Variants in GRM4 observed in about 807,000 individuals in gnomAD.
GRM4 encodes metabotropic glutamate receptor 4.
Under a neutral mutation model 81.7 loss-of-function variants are expected in GRM4, and 28 were observed. The observed-to-expected ratio is 0.34, with a 90% CI of 0.25 to 0.47. The LOEUF is 0.47. Among genes scored for constraint, GRM4 ranks in the 20% least tolerant of loss-of-function variants. The pLI, the probability that GRM4 is intolerant of heterozygous loss-of-function variation, is 1.00. For synonymous variants in GRM4, 488 were observed against 528.8 expected (o/e 0.92, Z 1.06); for missense variants, 948 against 1,290.0 (o/e 0.73, Z 4.06).
At chr6:34,108,768 T>C (rs951914328) in intron 2 of GRM4, among the ~76,000 whole-genome samples, 2 of 152,086 alleles carry the variant, frequency 1.3e-5, no homozygotes, top group African/African-American at 4.8e-5. Flanking sequence ...CCCCGCCCTG[T>C]ATTGAGGATC....
intron 6 of GRM4, among the ~76,000 whole-genome samples, chr6:34,045,882 G>A (rs1018513650): frequency 1.6e-4 from 25 of 152,178 alleles, no homozygotes; most frequent in Admixed American, 1.4e-3. Flanking sequence ...ATTGTGTCCC[G>A]GGGCACAGTG....
chr6:34,040,095 G>T, intron 8 of GRM4, 83 bp downstream of exon 8: 1 of 1,374,806 alleles, frequency 7.3e-7, no homozygotes, highest in Non-Finnish European at 1.0e-6. Context: ...GGGCTAATCA[G>T]CAGCAGCCTC....
Position 34,069,139 on chromosome 6 carries a change from AAG to A in GRM4, c.737-7113_737-7112del. Among the ~76,000 whole-genome samples the A allele has an allele frequency of 6.7e-6, 1 of 149,612 alleles. No homozygotes were observed. The highest frequency in any genetic ancestry group is 1.5e-5 in the Non-Finnish European group (1 of 67,612). ...GGACAGAGGGGAGGACAGGGGCTGG[AAG>A]CTACCCCTGGACCCTCATGGGCGTA... is the stretch of plus-strand genomic sequence containing the variant. On this transcript the variant is annotated intron_variant, in intron 3 of 10. Coordinates refer to ENST00000538487, the MANE Select transcript of GRM4 (RefSeq NM_000841.4). The surrounding 1 kb of genome is among the most constrained non-coding windows in gnomAD (Gnocchi z 6.4).
chr6:34,022,763 C>G lies in GRM4; in HGVS notation c.*58G>C. 2 of 1,486,554 alleles carry G rather than the reference C, an allele frequency of 1.3e-6. No individual in the cohort carries two copies. The highest frequency in any genetic ancestry group is 1.9e-6 in the Non-Finnish European group (2 of 1,064,370). 92.1% of individuals were successfully genotyped at this position (1,486,554 alleles called of 1,614,324 possible). ...TGGGCCCTTGGGTGTGGCCCTGGCC[C>G]GACGCACCTTCCACAGGGTCACGGC... On this transcript the variant is annotated 3_prime_UTR_variant, in exon 11 of 11. Coordinates refer to ENST00000538487, the MANE Select transcript of GRM4 (RefSeq NM_000841.4). This position sits in a 1 kb window ranked among gnomAD's most constrained non-coding sequence, Gnocchi z 5.6.
chr6:34,115,909 A>G lies in GRM4; in HGVS notation c.519+17069T>C, dbSNP rs1158083681. ...CAATGGAAAGGGACTTTGAAAAGGT[A>G]AAAATGAGGTACCGATGTTGGCCGC... On this transcript the variant is annotated intron_variant, in intron 2 of 10. Transcript: ENST00000538487. The surrounding 1 kb of genome is among the most constrained non-coding windows in gnomAD (Gnocchi z 4.1). 6.6e-6 allele frequency among the ~76,000 whole-genome samples: 1 copy of G among 152,236 alleles called. No homozygotes were observed. The highest frequency in any genetic ancestry group is 1.5e-5 in the Non-Finnish European group (1 of 68,034).
chr6:34,155,043 C>G lies in GRM4; in HGVS notation c.312+36G>C, dbSNP rs549920311. The stretch of plus-strand genomic sequence containing the variant: ...GCTGGGCACCTCCCCGTCCCACGCC[C>G]GGGGACACGCCCGGATTGAGAGGCT... On this transcript the variant is annotated intron_variant, in intron 1 of 8. Coordinates refer to the GRM4 transcript ENST00000374177. The G allele has an allele frequency of 4.4e-4, 643 of 1,456,696 alleles. No homozygotes were observed. In the African/African-American group the frequency reaches 7.9e-3, roughly 18 times the overall value. 90.2% of individuals were successfully genotyped at this position (1,456,696 alleles called of 1,614,324 possible).
At chr6:34,154,189 G>A (rs1235189622) in intron 1 of GRM4, among the ~76,000 whole-genome samples, 1 of 152,236 alleles carries the variant, frequency 6.6e-6, no homozygotes, top group African/African-American at 2.4e-5. Context: ...TTGGTAAGGA[G>A]AGGAAGATAA....
chr6:34,044,143 C>T (rs930081327), intron 6 of GRM4, among the ~76,000 whole-genome samples: 7 of 145,894 alleles, frequency 4.8e-5, no homozygotes, highest in Non-Finnish European at 8.9e-5. Context: ...CATATACATA[C>T]ATACACATAT....
chr6:34,026,499 C>T, intron 10 of GRM4, among the ~76,000 whole-genome samples: 1 of 152,118 alleles, frequency 6.6e-6, no homozygotes, highest in East Asian at 1.9e-4. Flanking sequence ...TCCCTCCCAA[C>T]CCCAGAGCAG....
At chr6:34,045,614 G>A (rs9469694) in intron 6 of GRM4, among the ~76,000 whole-genome samples, 37,667 of 152,048 alleles carry the variant, frequency 0.25, 5,427 homozygotes, top group African/African-American at 0.39. Context: ...ACTGTCCTGC[G>A]ACCCAGGCCC....
At position 34,094,853 on chromosome 6, in the gene GRM4, C is replaced by G. The variant is rs184972013; in HGVS notation, c.520-2754G>C. 7.0e-3 allele frequency among the ~76,000 whole-genome samples: 1,059 copies of G among 152,324 alleles called. 6 individuals are homozygous for G. Among genetic ancestry groups the G allele is most frequent in the Middle Eastern group, 0.041 (12 of 294 alleles). On this transcript the variant is annotated intron_variant, in intron 2 of 10. Coordinates refer to ENST00000538487, the MANE Select transcript of GRM4 (RefSeq NM_000841.4). The stretch of plus-strand genomic sequence containing the variant: ...GCGGCAAATGGAAACAGAGGCCCCC[C>G]CAAGATGAAGTGGCTCCTTCTCACT...
At position 34,069,643 on chromosome 6, in the gene GRM4, C is replaced by A. The variant is rs1399522752; in HGVS notation, c.737-7615G>T. ...TCCCGGCTTTACAACCCTTGGCAGC[C>A]CCCAGTGTGTGTGTGTGTGTGTGTG... On this transcript the variant is annotated intron_variant, in intron 3 of 10. Coordinates refer to ENST00000538487, the MANE Select transcript of GRM4 (RefSeq NM_000841.4). This position sits in a 1 kb window ranked among gnomAD's most constrained non-coding sequence, Gnocchi z 6.4. Among the ~76,000 whole-genome samples the A allele has an allele frequency of 1.4e-5, 2 of 141,648 alleles. No homozygotes were observed. Among genetic ancestry groups the A allele is most frequent in the Non-Finnish European group, 3.0e-5 (2 of 66,870 alleles). 92.9% of individuals were successfully genotyped at this position (141,648 alleles called of 152,430 possible). A position where few individuals can be genotyped will look rare whatever the true frequency, so the allele number is the denominator to read the frequency against.
chr6:34,102,933 G>A (rs1768915784), intron 2 of GRM4, among the ~76,000 whole-genome samples: 1 of 152,242 alleles, frequency 6.6e-6, no homozygotes, highest in South Asian at 2.1e-4. Flanking sequence ...GCCTGGGCAA[G>A]CCAGTGGCGT....
intron 2 of GRM4, among the ~76,000 whole-genome samples, chr6:34,119,167 G>A (rs954778450): frequency 5.9e-5 from 9 of 152,254 alleles, no homozygotes; most frequent in East Asian, 5.8e-4. Context: ...AGGCCAAGGC[G>A]GGTGGATCAT....
Position 34,035,551 on chromosome 6 carries a change from A to C in GRM4, c.2442+117T>G. 2.7e-6 allele frequency: 1 copy of C among 366,022 alleles called. No homozygotes were observed. The highest frequency in any genetic ancestry group is 4.3e-6 in the Non-Finnish European group (1 of 230,628). 22.7% of individuals were successfully genotyped at this position (366,022 alleles called of 1,614,324 possible). On this transcript the variant is annotated intron_variant, in intron 9 of 10. Coordinates refer to ENST00000538487, the MANE Select transcript of GRM4 (RefSeq NM_000841.4). The surrounding 1 kb of genome is among the most constrained non-coding windows in gnomAD (Gnocchi z 6.6). ...AGAATGAGGCAAGAAAGAAGGCAGAATGAGGCATGAAAGAAGGCATTTCTG... is the reference window on the plus strand; with the variant it reads ...AGAATGAGGCAAGAAAGAAGGCAGACTGAGGCATGAAAGAAGGCATTTCTG...
rs781615138 is a variant in GRM4, at chr6:34,036,592, C to T, written c.1518G>A (p.Met506Ile). 1 of 1,566,236 alleles carries T rather than the reference C, an allele frequency of 6.4e-7. No individual in the cohort carries two copies. ...TDHLHLRIER[M>I]HWPGSGQQLP... is the part of the protein sequence containing the mutation. ...GCTGCTGCCCGCTCCCCGGCCAGTG[C>T]ATCCGCTCTATCTGGCAATGACAGC... The change falls in exon 9 of 11, where the codon ATG becomes ATA. Residue 506 changes from methionine (M) to isoleucine (I), a missense_variant. Met to Ile is a conservative substitution (Grantham distance 10). Coordinates refer to ENST00000538487, the MANE Select transcript of GRM4 (RefSeq NM_000841.4). The surrounding 1 kb of genome is among the most constrained non-coding windows in gnomAD (Gnocchi z 9.0).
intron 2 of GRM4, chr6:34,110,975 G>A: frequency 1.6e-6 from 1 of 632,306 alleles, no homozygotes; most frequent in Non-Finnish European, 2.2e-6. Context: ...ACTGCAAGGA[G>A]CCAAGCGGAG....
At chr6:34,050,806 C>T (rs553118538) in intron 6 of GRM4, among the ~76,000 whole-genome samples, 1 of 152,214 alleles carries the variant, frequency 6.6e-6, no homozygotes, top group Non-Finnish European at 1.5e-5. Flanking sequence ...TGCCAGGCCA[C>T]GCCACCATCC....
chr6:34,104,360 C>T (rs574453045), intron 2 of GRM4, among the ~76,000 whole-genome samples: 11 of 152,208 alleles, frequency 7.2e-5, no homozygotes, highest in Non-Finnish European at 1.2e-4. Context: ...CTGGAGTGTT[C>T]GTGTCATCAT....
Sources: gnomAD v4.1 joint callset for allele counts (sites outside exome capture counted in the v4.1 genomes callset) on GRCh38, gnomAD v4.1.1 for gene constraint, Gnocchi (gnomAD v3.1) non-coding constraint, MANE v1.5 for transcripts, NCBI Gene and HGNC (gene_info 2026-07-23, HGNC 2026-07-21) for gene names.